Variants in NRP1 observed in about 807,000 individuals in gnomAD.
The protein encoded by NRP1 is neuropilin 1, also known as neuropilin-1.
NRP1 carries 35 observed loss-of-function variants against 106.7 expected under a neutral mutation model. That is an observed-to-expected ratio of 0.33 (90% CI 0.25 to 0.43). The LOEUF is 0.43. Ranked by LOEUF, NRP1 falls within the 20% of genes least tolerant of loss-of-function variation. The pLI, the probability that NRP1 is intolerant of heterozygous loss-of-function variation, is 1.00. For missense variants in NRP1, 1,024 were observed against 1,170.4 expected (o/e 0.87, Z 1.83); for synonymous variants, 437 against 417.9 (o/e 1.05, Z -0.56).
intron 6 of NRP1, among the ~76,000 whole-genome samples, chr10:33,238,711 G>A (rs926582411): frequency 3.9e-5 from 6 of 152,140 alleles, no homozygotes; most frequent in Non-Finnish European, 8.8e-5. Context: ...CCTGGATAAT[G>A]TTAAGCAAGT....
At chr10:33,251,157 C>T (rs1212721222) in intron 6 of NRP1, among the ~76,000 whole-genome samples, 1 of 152,096 alleles carries the variant, frequency 6.6e-6, no homozygotes, top group Admixed American at 6.5e-5. Context: ...TGGGTGAGTT[C>T]TCATGAGATC....
chr10:33,313,285 A>G (rs1846742555), intron 2 of NRP1, among the ~76,000 whole-genome samples: 1 of 152,204 alleles, frequency 6.6e-6, no homozygotes, highest in Non-Finnish European at 1.5e-5. Flanking sequence ...CTGTGTTGCA[A>G]AAGTCAAGGA....
Position 33,179,086 on chromosome 10 carries a change from T to C in NRP1, c.*990A>G, listed in dbSNP as rs2506141. 0.59 allele frequency: 89,242 copies of C among 152,530 alleles called. 27,897 individuals carry two copies. Among genetic ancestry groups the C allele is most frequent in the African/African-American group, 0.82 (33,973 of 41,526 alleles). 9.4% of individuals were successfully genotyped at this position (152,530 alleles called of 1,614,324 possible). A position where few individuals can be genotyped will look rare whatever the true frequency, so the allele number is the denominator to read the frequency against. On this transcript the variant is annotated 3_prime_UTR_variant, in exon 17 of 17. Coordinates refer to ENST00000374867, the MANE Select transcript of NRP1 (RefSeq NM_003873.7). ...GAAAGAACAATAAGAGAGAATATTG[T>C]AGCTTTATACAAAAGGGTCAAGAAA...
At chr10:33,183,230 C>G (rs1835796964) in intron 15 of NRP1, among the ~76,000 whole-genome samples, 1 of 151,788 alleles carries the variant, frequency 6.6e-6, no homozygotes, top group South Asian at 2.1e-4. Context: ...AGCTTGTGCC[C>G]AGGAGATGGA....
At position 33,213,729 on chromosome 10, in the gene NRP1, A is replaced by G. The variant is rs752541267; in HGVS notation, c.1283-12T>C. ...AGAGCAAGGATAATCTGGGAAGTGA[A>G]ATGAAACAGATAATGTAAAATGATT... On this transcript the variant is annotated splice_polypyrimidine_tract_variant and intron_variant, in intron 8 of 16. Transcript: ENST00000374867. 30 of 1,551,250 alleles carry G rather than the reference A, an allele frequency of 1.9e-5. No homozygotes were observed. The East Asian group carries it at 5.9e-4, about 30-fold the overall frequency.
intron 6 of NRP1, among the ~76,000 whole-genome samples, chr10:33,234,059 T>C (rs1564407495): frequency 6.6e-6 from 1 of 152,206 alleles, no homozygotes; most frequent in Non-Finnish European, 1.5e-5. Context: ...CCTATCTCTT[T>C]CTGTGTTGTG....
At chr10:33,243,007 G>A (rs925644578) in intron 6 of NRP1, among the ~76,000 whole-genome samples, 1 of 152,166 alleles carries the variant, frequency 6.6e-6, no homozygotes, top group Non-Finnish European at 1.5e-5. Flanking sequence ...TGAACAGTCT[G>A]TAATGGTGGG....
intron 2 of NRP1, among the ~76,000 whole-genome samples, chr10:33,314,873 A>ACTTT (rs1846901652): frequency 6.6e-6 from 1 of 152,202 alleles, no homozygotes; most frequent in South Asian, 2.1e-4. Flanking sequence ...GAAGAAATTC[A>ACTTT]CTTTCTGCCT....
intron 2 of NRP1, among the ~76,000 whole-genome samples, chr10:33,291,545 A>G (rs1844992197): frequency 6.6e-6 from 1 of 152,252 alleles, no homozygotes; most frequent in African/African-American, 2.4e-5. Context: ...ACCACAGACC[A>G]GTACTAAACA....
At chr10:33,282,178 C>T (rs1233482975) in intron 2 of NRP1, among the ~76,000 whole-genome samples, 1 of 151,394 alleles carries the variant, frequency 6.6e-6, no homozygotes, top group Admixed American at 6.6e-5. Context: ...ATTGATGTAC[C>T]CAACCGATTT....
chr10:33,306,734 A>G (rs995576081), intron 2 of NRP1, among the ~76,000 whole-genome samples: 3 of 152,208 alleles, frequency 2.0e-5, no homozygotes, highest in Admixed American at 6.5e-5. Flanking sequence ...AATATTCCCA[A>G]TGGGGTAGGT....
chr10:33,252,365 G>C (rs1588850423), intron 6 of NRP1, among the ~76,000 whole-genome samples: 1 of 152,144 alleles, frequency 6.6e-6, no homozygotes, highest in African/African-American at 2.4e-5. Flanking sequence ...ATAAGGAAGG[G>C]GGTCTAATTG....
intron 6 of NRP1, among the ~76,000 whole-genome samples, chr10:33,246,630 A>C (rs1841451525): frequency 6.6e-6 from 1 of 151,800 alleles, no homozygotes; most frequent in Non-Finnish European, 1.5e-5. Context: ...TGGGGAATCC[A>C]CATCCATTTG....
chr10:33,330,585 T>G, intron 2 of NRP1, 123 bp downstream of exon 2: 2 of 692,060 alleles, frequency 2.9e-6, no homozygotes, highest in Non-Finnish European at 4.3e-6. Context: ...ATAATCTGGC[T>G]GAGATTGGAA....
At chr10:33,258,564 A>C (rs1212226574) in intron 4 of NRP1, among the ~76,000 whole-genome samples, 1 of 152,216 alleles carries the variant, frequency 6.6e-6, no homozygotes, top group Non-Finnish European at 1.5e-5. Flanking sequence ...GCTTTGCATT[A>C]TGGAAGCAAA....
rs943555575 is a variant in NRP1 at position 33,306,386 on chromosome 10, G to C, written c.248+24322C>G. On this transcript the variant is annotated intron_variant, in intron 2 of 16. Coordinates refer to ENST00000374867, the MANE Select transcript of NRP1 (RefSeq NM_003873.7). ...TGTGTGTGTGTGTGTGTGTGTGTGT[G>C]CACGCTCCTGCATCTATGTAAGATC... 1.2e-3 allele frequency among the ~76,000 whole-genome samples: 188 copies of C among 151,606 alleles called. 1 individual carries two copies. The highest frequency in any genetic ancestry group is 3.4e-3 in the Middle Eastern group (1 of 292).
At chr10:33,310,010 C>A (rs1191049345) in intron 2 of NRP1, among the ~76,000 whole-genome samples, 1 of 151,106 alleles carries the variant, frequency 6.6e-6, no homozygotes, top group Non-Finnish European at 1.5e-5. Context: ...TGCAGTGGCG[C>A]GATCTCCGCT....
At chr10:33,307,065 G>C (rs1846216572) in intron 2 of NRP1, among the ~76,000 whole-genome samples, 1 of 152,146 alleles carries the variant, frequency 6.6e-6, no homozygotes, top group Non-Finnish European at 1.5e-5. Flanking sequence ...TCCTTGCTTA[G>C]TTTCCAAATC....
intron 2 of NRP1, among the ~76,000 whole-genome samples, chr10:33,295,111 G>A (rs1845293132): frequency 6.6e-6 from 1 of 152,200 alleles, no homozygotes; most frequent in Admixed American, 6.5e-5. Flanking sequence ...CATATAAGGA[G>A]TACTGCCATG....
Sources: allele counts gnomAD v4.1 joint callset (sites outside exome capture counted in the v4.1 genomes callset), GRCh38; gene constraint gnomAD v4.1.1; transcripts MANE v1.5; gene names NCBI Gene and HGNC (gene_info 2026-07-23, HGNC 2026-07-21).